The following NRG3 variants were observed in gnomAD, a reference collection of about 807,000 sequenced individuals.
The protein encoded by NRG3 is pro-neuregulin-3, membrane-bound isoform.
NRG3 carries 31 observed loss-of-function variants against 66.9 expected under a neutral mutation model. The ratio of observed to expected loss-of-function variants is 0.46; its 90% CI spans 0.35 to 0.63. The LOEUF is 0.63. Ranked by LOEUF, NRG3 falls within the 20% of genes least tolerant of loss-of-function variation. The pLI is 0.00. For missense variants in NRG3, 910 were observed against 878.9 expected (o/e 1.04, Z -0.45); for synonymous variants, 393 against 359.4 (o/e 1.09, Z -1.06).
chr10:82,840,374 T>C (rs765644837), intron 3 of NRG3, among the ~76,000 whole-genome samples: 1 of 152,120 alleles, frequency 6.6e-6, no homozygotes, highest in Non-Finnish European at 1.5e-5. Context: ...TTGTTTCCCA[T>C]AGCACTTATC....
intron 1 of NRG3, among the ~76,000 whole-genome samples, chr10:81,990,114 T>C (rs548441794): frequency 1.1e-4 from 16 of 152,268 alleles, no homozygotes; most frequent in African/African-American, 3.8e-4. Flanking sequence ...GTTTGTAGTC[T>C]AAGAAGTGAT....
intron 2 of NRG3, among the ~76,000 whole-genome samples, chr10:82,588,614 T>C (rs1293415486): frequency 2.0e-5 from 3 of 152,096 alleles, no homozygotes; most frequent in Non-Finnish European, 1.5e-5. Context: ...GCAATTCTCC[T>C]GCCTCAGCCT....
At chr10:81,949,040 T>C (rs1849098409) in intron 1 of NRG3, among the ~76,000 whole-genome samples, 1 of 152,130 alleles carries the variant, frequency 6.6e-6, no homozygotes, top group Non-Finnish European at 1.5e-5. Flanking sequence ...CATGTGACAA[T>C]ACACATAGGG....
intron 4 of NRG3, among the ~76,000 whole-genome samples, chr10:82,950,805 G>C (rs1413460354): frequency 2.6e-5 from 4 of 152,212 alleles, no homozygotes; most frequent in Admixed American, 2.6e-4. Context: ...AGTATAAATG[G>C]TAGTGGCTAC....
intron 2 of NRG3, among the ~76,000 whole-genome samples, chr10:82,690,593 T>C (rs1413409819): frequency 6.6e-6 from 1 of 152,130 alleles, no homozygotes; most frequent in South Asian, 2.1e-4. Flanking sequence ...AAAAATTCCA[T>C]TGAGGTATAA....
chr10:82,444,134 G>C (rs2090588429), intron 2 of NRG3, among the ~76,000 whole-genome samples: 1 of 152,180 alleles, frequency 6.6e-6, no homozygotes, highest in South Asian at 2.1e-4. Context: ...ATGGAGCCTT[G>C]CTCTATCGCC....
At chr10:82,031,300 T>C (rs1173971344) in intron 1 of NRG3, among the ~76,000 whole-genome samples, 4 of 152,134 alleles carry the variant, frequency 2.6e-5, no homozygotes, top group Non-Finnish European at 4.4e-5. Flanking sequence ...TAATTAAATA[T>C]CTGAATGAGT....
At chr10:82,127,872 G>A (rs975387362) in intron 1 of NRG3, among the ~76,000 whole-genome samples, 1 of 151,830 alleles carries the variant, frequency 6.6e-6, no homozygotes, top group African/African-American at 2.4e-5. Flanking sequence ...TTGGAGGCTC[G>A]GCTCCATAGG....
intron 1 of NRG3, among the ~76,000 whole-genome samples, chr10:81,879,249 C>T (rs1410597223): frequency 1.3e-5 from 2 of 152,166 alleles, no homozygotes; most frequent in Non-Finnish European, 2.9e-5. Context: ...GAGATTATTT[C>T]ACCAGAAACA....
chr10:82,703,481 G>A (rs2056054454), intron 2 of NRG3, among the ~76,000 whole-genome samples: 1 of 152,076 alleles, frequency 6.6e-6, no homozygotes, highest in Non-Finnish European at 1.5e-5. Context: ...GCTACTCACT[G>A]CAGGAATAAC....
At chr10:82,850,960 C>G (rs2063533966) in intron 3 of NRG3, among the ~76,000 whole-genome samples, 1 of 151,808 alleles carries the variant, frequency 6.6e-6, no homozygotes, top group Non-Finnish European at 1.5e-5. Context: ...AGTTTGAATC[C>G]CAGCACTTTT....
intron 7 of NRG3, among the ~76,000 whole-genome samples, chr10:82,978,697 A>G (rs1051461128): frequency 6.6e-6 from 1 of 152,204 alleles, no homozygotes; most frequent in Non-Finnish European, 1.5e-5. Flanking sequence ...GATTTTCATC[A>G]GTCATGCTCT....
intron 1 of NRG3, among the ~76,000 whole-genome samples, chr10:82,008,411 G>T (rs2061454022): frequency 6.6e-6 from 1 of 152,170 alleles, no homozygotes; most frequent in South Asian, 2.1e-4. Flanking sequence ...AAAGTGATTT[G>T]CTATAAATAT....
At chr10:82,072,084 G>A (rs1163002899) in intron 1 of NRG3, among the ~76,000 whole-genome samples, 1 of 152,058 alleles carries the variant, frequency 6.6e-6, no homozygotes, top group Admixed American at 6.6e-5. Context: ...ATGTGTGTGT[G>A]AATAAAGGAA....
intron 1 of NRG3, among the ~76,000 whole-genome samples, chr10:81,964,438 C>CA (rs1052284383): frequency 7.3e-6 from 1 of 136,140 alleles, no homozygotes; most frequent in African/African-American, 2.7e-5. Context: ...TAGAAAATTA[C>CA]AAAAAAATTC....
intron 2 of NRG3, among the ~76,000 whole-genome samples, chr10:82,668,866 T>G (rs1265700970): frequency 2.0e-5 from 3 of 152,156 alleles, no homozygotes; most frequent in South Asian, 2.1e-4. Flanking sequence ...CATTATAGAT[T>G]GCCTCTATTT....
chr10:82,065,550 G>A (rs1006934700), intron 1 of NRG3, among the ~76,000 whole-genome samples: 3 of 152,020 alleles, frequency 2.0e-5, no homozygotes, highest in Non-Finnish European at 4.4e-5. Flanking sequence ...CCAGTCCCTG[G>A]CACATAGTAC....
intron 2 of NRG3, among the ~76,000 whole-genome samples, chr10:82,497,460 T>A (rs1471541819): frequency 6.6e-6 from 1 of 152,124 alleles, no homozygotes; most frequent in East Asian, 1.9e-4. Flanking sequence ...AGTAAGATCA[T>A]AAAATATTTG....
At chr10:82,531,917 A>G (rs567960891) in intron 2 of NRG3, among the ~76,000 whole-genome samples, 1 of 151,920 alleles carries the variant, frequency 6.6e-6, no homozygotes, top group African/African-American at 2.4e-5. Context: ...CTTCTTGCTT[A>G]TTGATTACTA....
Sources: gnomAD v4.1 joint callset for allele counts (sites outside exome capture counted in the v4.1 genomes callset) on GRCh38, gnomAD v4.1.1 for gene constraint, MANE v1.5 for transcripts, NCBI Gene and HGNC (gene_info 2026-07-23, HGNC 2026-07-21) for gene names.